The following FGD6 variants were observed in gnomAD, a reference collection of about 807,000 sequenced individuals.
The protein encoded by FGD6 is FYVE, RhoGEF and PH domain-containing protein 6.
In FGD6, 90 loss-of-function variants were observed where a neutral mutation model predicts 149.4. The ratio of observed to expected loss-of-function variants is 0.60; its 90% CI spans 0.51 to 0.72. The LOEUF (loss-of-function observed/expected upper bound fraction) is 0.72. FGD6 is among the 30% of genes least tolerant of loss of function. The probability of loss-of-function intolerance (pLI) is 0.00; values close to 1 mark genes in which losing one functional copy is unlikely to be tolerated. For missense variants in FGD6, 1,437 were observed against 1,684.8 expected, an observed-to-expected ratio of 0.85 and a Z score of 2.57; for synonymous variants, 527 against 584.0, an observed-to-expected ratio of 0.90 and a Z score of 1.41.
At chr12:95,188,295 G>A (rs1381075819) in intron 2 of FGD6, among the ~76,000 whole-genome samples, 3 of 152,146 alleles carry the variant, frequency 2.0e-5, no homozygotes, top group Non-Finnish European at 4.4e-5. Flanking sequence ...ATGGGGAGAA[G>A]AGGGAAGCAG....
At chr12:95,202,534 T>C (rs980467390) in intron 2 of FGD6, among the ~76,000 whole-genome samples, 1 of 150,826 alleles carries the variant, frequency 6.6e-6, no homozygotes, top group Non-Finnish European at 1.5e-5. Flanking sequence ...ATAATACTTA[T>C]TCCTAATTCC....
chr12:95,138,622 T>C (rs1036634413), intron 6 of FGD6, among the ~76,000 whole-genome samples: 6 of 151,974 alleles, frequency 3.9e-5, no homozygotes, highest in African/African-American at 4.8e-5. Flanking sequence ...GTCACACTTC[T>C]CTTCCTCTTC....
At chr12:95,136,280 C>A (rs1205373965) in intron 7 of FGD6, among the ~76,000 whole-genome samples, 2 of 152,086 alleles carry the variant, frequency 1.3e-5, no homozygotes, top group Non-Finnish European at 2.9e-5. Context: ...ATCACGTGAA[C>A]CTCGGAGGCA....
In FGD6 at chr12:95,152,909, G is replaced by A. The variant is rs1015119628; in HGVS notation, c.2654+17C>T. 6 of 1,613,634 alleles carry A rather than the reference G, an allele frequency of 3.7e-6. No homozygotes were observed. Among genetic ancestry groups the A allele is most frequent in the South Asian group, 1.1e-5 (1 of 91,068 alleles). On this transcript the variant is annotated intron_variant, in intron 4 of 20. Coordinates refer to ENST00000343958, the MANE Select transcript of FGD6 (RefSeq NM_018351.4). The stretch of plus-strand genomic sequence containing the variant: ...TGGGGGGAAAACAGTCTTCTGAATT[G>A]TAAACTAGATACCTACACTTTCTCT...
At chr12:95,180,939 C>T (rs1201315145) in intron 2 of FGD6, among the ~76,000 whole-genome samples, 1 of 152,010 alleles carries the variant, frequency 6.6e-6, no homozygotes, top group African/African-American at 2.4e-5. Flanking sequence ...CTTTCCCTTT[C>T]TCCCCCAACC....
At chr12:95,182,305 T>G (rs1881307274) in intron 2 of FGD6, among the ~76,000 whole-genome samples, 2 of 148,558 alleles carry the variant, frequency 1.3e-5, no homozygotes, top group Admixed American at 1.4e-4. Context: ...CAGGTTCAAG[T>G]GATTTTCCTG....
rs368971179 is a variant in FGD6 at position 95,155,111 on chromosome 12, T to C, written c.2587-2118A>G. 2.6e-5 allele frequency among the ~76,000 whole-genome samples: 4 copies of C among 152,224 alleles called. No homozygotes were observed. The East Asian group carries it at 7.7e-4, about 29-fold the overall frequency. Reference sequence around the variant, plus strand: ...ATTAAAAAAAATATGACTATATATGTTCCATACATACACTGAAACCCTTTT... The same window carrying C: ...ATTAAAAAAAATATGACTATATATGCTCCATACATACACTGAAACCCTTTT... On this transcript the variant is annotated intron_variant, in intron 3 of 20. Transcript: ENST00000343958.
chr12:95,171,881 C>A (rs1224640254), intron 3 of FGD6, among the ~76,000 whole-genome samples: 1 of 152,126 alleles, frequency 6.6e-6, no homozygotes, highest in African/African-American at 2.4e-5. Context: ...CCCCCAAACT[C>A]ATACACACAC....
At chr12:95,122,632 C>G (rs981486823) in intron 8 of FGD6, among the ~76,000 whole-genome samples, 2 of 107,906 alleles carry the variant, frequency 1.9e-5, no homozygotes, top group African/African-American at 7.4e-5. Flanking sequence ...GGCAACAGAG[C>G]GAGACTCAGT....
intron 8 of FGD6, among the ~76,000 whole-genome samples, chr12:95,127,269 G>C (rs539822659): frequency 2.8e-4 from 42 of 152,250 alleles, no homozygotes; most frequent in African/African-American, 9.9e-4. Context: ...TTAGCGGCTG[G>C]GCGTGGTGGC....
chr12:95,092,172 C>T (rs1359870853), intron 16 of FGD6, among the ~76,000 whole-genome samples: 1 of 152,168 alleles, frequency 6.6e-6, no homozygotes, highest in Non-Finnish European at 1.5e-5. Context: ...CAGCAACGAC[C>T]ACGTCTCTGC....
intron 6 of FGD6, among the ~76,000 whole-genome samples, 187 bp downstream of exon 6, chr12:95,141,201 C>T (rs1006050282): frequency 9.9e-5 from 15 of 152,148 alleles, no homozygotes; most frequent in South Asian, 4.2e-4. Flanking sequence ...CCAGCCTGGG[C>T]GACAGAATGA....
chr12:95,107,457 G>A (rs1166286228), intron 12 of FGD6, 106 bp downstream of exon 12: 3 of 1,019,828 alleles, frequency 2.9e-6, no homozygotes, highest in South Asian at 1.5e-5. Context: ...AAGCTGGTGA[G>A]GCTGATATTT....
At chr12:95,122,671 G>C (rs1416934667) in intron 8 of FGD6, among the ~76,000 whole-genome samples, 1 of 133,452 alleles carries the variant, frequency 7.5e-6, no homozygotes, top group Non-Finnish European at 1.6e-5. Context: ...AAAAAAAAAG[G>C]CTCTGGCCTT....
At chr12:95,093,859 A>G (rs1034749153) in intron 15 of FGD6, among the ~76,000 whole-genome samples, 13 of 150,724 alleles carry the variant, frequency 8.6e-5, no homozygotes, top group Non-Finnish European at 1.8e-4. Context: ...ACAAAAAAAA[A>G]AAAGAAATAT....
chr12:95,205,973 G>A (rs140060931), intron 2 of FGD6, among the ~76,000 whole-genome samples: 84 of 152,240 alleles, frequency 5.5e-4, no homozygotes, highest in Admixed American at 3.1e-3. Flanking sequence ...GGTTTCCTGT[G>A]GCCTCCAGAA....
chr12:95,145,271 G>A (rs1243999519), intron 5 of FGD6, among the ~76,000 whole-genome samples: 5 of 152,164 alleles, frequency 3.3e-5, no homozygotes, highest in African/African-American at 9.7e-5. Flanking sequence ...TTACAGGCGT[G>A]AGCCATTGTG....
At chr12:95,131,520 C>T (rs943978509) in intron 8 of FGD6, among the ~76,000 whole-genome samples, 1 of 152,074 alleles carries the variant, frequency 6.6e-6, no homozygotes, top group African/African-American at 2.4e-5. Context: ...ATATAAGACA[C>T]ACTCCCTGAA....
At chr12:95,085,176 A>G (rs1204943947) in intron 19 of FGD6, among the ~76,000 whole-genome samples, 1 of 150,540 alleles carries the variant, frequency 6.6e-6, no homozygotes, top group Admixed American at 6.6e-5. Context: ...AGGGAGTATC[A>G]CTCAAGAGAG....
Sources: allele counts gnomAD v4.1 joint callset (sites outside exome capture counted in the v4.1 genomes callset), GRCh38; gene constraint gnomAD v4.1.1; transcripts MANE v1.5; gene names NCBI Gene and HGNC (gene_info 2026-07-23, HGNC 2026-07-21).